Variants in SEPTIN9 observed in about 807,000 individuals in gnomAD.
SEPTIN9 encodes septin-9.
SEPTIN9 carries 13 observed loss-of-function variants against 56.6 expected under a neutral mutation model. The observed-to-expected ratio is 0.23, with a 90% CI of 0.15 to 0.37. The LOEUF (loss-of-function observed/expected upper bound fraction) is 0.37, where lower values mean the gene tolerates loss of function less well. Among genes scored for constraint, SEPTIN9 ranks in the 10% least tolerant of loss-of-function variants. The probability of loss-of-function intolerance (pLI) is 1.00; values close to 1 mark genes in which losing one functional copy is unlikely to be tolerated. For synonymous variants in SEPTIN9, 332 were observed against 334.1 expected (o/e 0.99, Z 0.07); for missense variants, 650 against 823.1 (o/e 0.79, Z 2.57).
At chr17:77,373,279 C>A (rs906722145) in intron 2 of SEPTIN9, 30 of 1,082,254 alleles carry the variant, frequency 2.8e-5, no homozygotes, top group Non-Finnish European at 3.4e-5. Flanking sequence ...GCCCGGGAGG[C>A]GGGGGCGGGG....
Position 77,499,251 on chromosome 17 carries a change from G to A in SEPTIN9, c.*593G>A, listed in dbSNP as rs755176677. 1 of 595,906 alleles carries A rather than the reference G, an allele frequency of 1.7e-6. No individual in the cohort carries two copies. The highest frequency in any genetic ancestry group is 3.2e-6 in the Non-Finnish European group (1 of 308,188). 36.9% of individuals were successfully genotyped at this position (595,906 alleles called of 1,614,324 possible). On this transcript the variant is annotated 3_prime_UTR_variant, in exon 12 of 12. Transcript: ENST00000427177. ...GCCACCGACTGCCCAGCCACTCCAA[G>A]CCCCCTGGCAGCTGCCCCTCCTGGA...
At chr17:77,373,244 C>CGGTGCG (rs1368238384) in intron 2 of SEPTIN9, 6 of 1,119,736 alleles carry the variant, frequency 5.4e-6, no homozygotes, top group Middle Eastern at 7.6e-4. Context: ...ACAGGGAGGC[C>CGGTGCG]GGTGCGGGTG....
chr17:77,361,577 T>A (rs1405068540), intron 2 of SEPTIN9, among the ~76,000 whole-genome samples: 1 of 152,206 alleles, frequency 6.6e-6, no homozygotes, highest in Admixed American at 6.5e-5. Context: ...CTGTTTTTTT[T>A]TTCTGGATAA....
chr17:77,307,932 G>T (rs143928612), intron 2 of SEPTIN9, among the ~76,000 whole-genome samples: 275 of 152,276 alleles, frequency 1.8e-3, no homozygotes, highest in Middle Eastern at 3.4e-3. Flanking sequence ...CTCCCCACTG[G>T]GTGTCCCTGA....
intron 3 of SEPTIN9, among the ~76,000 whole-genome samples, chr17:77,418,034 G>A (rs918290156): frequency 7.2e-5 from 11 of 152,194 alleles, no homozygotes; most frequent in Non-Finnish European, 1.5e-5. Context: ...GTTCCCTGGC[G>A]GTGGGGGGAG....
In SEPTIN9 at chr17:77,482,257, G is replaced by T; in HGVS notation, c.835G>T (p.Val279Leu). 6.2e-7 allele frequency: 1 copy of T among 1,613,222 alleles called. No individual in the cohort carries two copies. The highest frequency in any genetic ancestry group is 8.5e-7 in the Non-Finnish European group (1 of 1,179,894). ...NEKAPVDFGY[V>L]GIDSILEQMR... is the part of the protein sequence containing the mutation. The stretch of plus-strand genomic sequence containing the variant: ...GAAGGCCCCGGTGGACTTCGGCTAC[G>T]TGGGGATTGACTCCATCCTGGAGCA... Residue 279 changes from valine (V) to leucine (L), a missense_variant, in exon 4 of 12, where the codon GTG (valine) becomes TTG (leucine). Transcript: ENST00000427177.
Position 77,327,128 on chromosome 17 carries a change from C to T in SEPTIN9, c.76+19931C>T, listed in dbSNP as rs2033168309. Among the ~76,000 whole-genome samples, 1 of 152,186 alleles carries T rather than the reference C, an allele frequency of 6.6e-6. No individual in the cohort carries two copies. Among genetic ancestry groups the T allele is most frequent in the African/African-American group, 2.4e-5 (1 of 41,428 alleles). The stretch of plus-strand genomic sequence containing the variant: ...CTGTAGCAAGTTAATCCTACCAGCA[C>T]TGGCTCTCATCTGCCGACCTTACCT... On this transcript the variant is annotated intron_variant, in intron 2 of 11. Coordinates refer to ENST00000427177, the MANE Select transcript of SEPTIN9 (RefSeq NM_001113491.2). This position sits in a 1 kb window ranked among gnomAD's most constrained non-coding sequence, Gnocchi z 5.0.
rs1481348693 is a variant in SEPTIN9 at position 77,330,997 on chromosome 17, A to G, written c.76+23800A>G. 6.6e-6 allele frequency among the ~76,000 whole-genome samples: 1 copy of G among 152,214 alleles called. No homozygotes were observed. The highest frequency in any genetic ancestry group is 1.5e-5 in the Non-Finnish European group (1 of 68,040). On this transcript the variant is annotated intron_variant, in intron 2 of 11. Coordinates refer to ENST00000427177, the MANE Select transcript of SEPTIN9 (RefSeq NM_001113491.2). This position sits in a 1 kb window ranked among gnomAD's most constrained non-coding sequence, Gnocchi z 4.4. ...TTCGATGCAGTGATGCAGGGCTGTC[A>G]GCCATGCCAGCAGGCCCTGCTGCTC...
intron 3 of SEPTIN9, among the ~76,000 whole-genome samples, chr17:77,479,926 G>A (rs1287071120): frequency 6.6e-6 from 1 of 152,184 alleles, no homozygotes; most frequent in Non-Finnish European, 1.5e-5. Flanking sequence ...TTCAGGAAGC[G>A]GCCCCAAAGC....
In SEPTIN9 at chr17:77,482,095, G is replaced by C. The variant is rs2039478118; in HGVS notation, c.722-49G>C. On this transcript the variant is annotated intron_variant, in intron 3 of 11. Transcript: ENST00000427177. ...TGTGACAACCACCTGGCAGGCGCCT[G>C]TGTGTGAGCCCCTGTTCCGCTCTAA... 3 of 1,496,668 alleles carry C rather than the reference G, an allele frequency of 2.0e-6. No homozygotes were observed. The East Asian group carries it at 7.4e-5, about 37-fold the overall frequency. The allele number at this position is 1,496,668 out of a possible 1,614,324, so 92.7% of individuals were successfully genotyped here.
At position 77,319,927 on chromosome 17, in the gene SEPTIN9, G is replaced by T. The variant is rs138208028; in HGVS notation, c.76+12730G>T. On this transcript the variant is annotated intron_variant, in intron 2 of 11. Transcript: ENST00000427177. The surrounding 1 kb of genome is among the most constrained non-coding windows in gnomAD (Gnocchi z 5.3). ...AGGAGGCTGCCGGAAGCCGCACTCG[G>T]GACCTCTGCAGCCACCGACCAGACC... 4.1e-3 allele frequency: 4,574 copies of T among 1,121,626 alleles called. 55 individuals carry two copies. In the East Asian group the frequency reaches 0.05, roughly 12 times the overall value. The allele number at this position is 1,121,626 out of a possible 1,614,324, so 69.5% of individuals were successfully genotyped here. A position where few individuals can be genotyped will look rare whatever the true frequency, so the allele number is the denominator to read the frequency against.
At chr17:77,458,048 C>G (rs1047337925) in intron 3 of SEPTIN9, among the ~76,000 whole-genome samples, 1 of 152,204 alleles carries the variant, frequency 6.6e-6, no homozygotes, top group Non-Finnish European at 1.5e-5. Flanking sequence ...CTGCCTGTCC[C>G]GATGAGAGGG....
Position 77,402,407 on chromosome 17 carries a change from C to T in SEPTIN9, c.425C>T (p.Thr142Met), listed in dbSNP as rs367650017. The T allele has an allele frequency of 3.4e-5, 54 of 1,611,124 alleles. No homozygotes were observed. The highest frequency in any genetic ancestry group is 4.0e-5 in the African/African-American group (3 of 74,902). ...LKRAEVLGHKTPEPAPRRTEI... is the reference protein window; with the variant it reads ...LKRAEVLGHKMPEPAPRRTEI... ...AGGGCCGAGGTGTTGGGCCACAAGA[C>T]GCCAGAACCGGCCCCTCGGAGGACG... The change falls in exon 3 of 12, where the codon ACG becomes ATG. Residue 142 changes from threonine (T) to methionine (M), a missense_variant. Physicochemically the swap from Thr to Met is moderately conservative, Grantham distance 81. Coordinates refer to ENST00000427177, the MANE Select transcript of SEPTIN9 (RefSeq NM_001113491.2). This position sits in a 1 kb window ranked among gnomAD's most constrained non-coding sequence, Gnocchi z 6.6.
At chr17:77,466,394 AGTT>A in intron 3 of SEPTIN9, 1 of 985,380 alleles carries the variant, frequency 1.0e-6, no homozygotes, top group Non-Finnish European at 1.2e-6. Flanking sequence ...TCCTTCCCGG[AGTT>A]CGGGCTGGAA....
intron 2 of SEPTIN9, among the ~76,000 whole-genome samples, chr17:77,379,222 C>T (rs1251311827): frequency 2.0e-5 from 3 of 152,028 alleles, no homozygotes; most frequent in African/African-American, 4.8e-5. Flanking sequence ...CCCCCATACC[C>T]CTACACTGGG....
intron 2 of SEPTIN9, among the ~76,000 whole-genome samples, chr17:77,355,331 C>T (rs754324277): frequency 4.6e-5 from 7 of 152,200 alleles, no homozygotes; most frequent in African/African-American, 1.2e-4. Context: ...GTGGGCTGTG[C>T]GCCAGATCCC....
At chr17:77,291,743 G>T (rs930348084) in intron 1 of SEPTIN9, among the ~76,000 whole-genome samples, 2 of 152,144 alleles carry the variant, frequency 1.3e-5, no homozygotes, top group South Asian at 2.1e-4. Flanking sequence ...CTCCCAAAGC[G>T]CTGGGAGTAC....
At position 77,369,878 on chromosome 17, in the gene SEPTIN9, C is replaced by T. The variant is rs1055829553; in HGVS notation, c.77-32181C>T. On this transcript the variant is annotated intron_variant, in intron 2 of 11. Transcript: ENST00000427177. The surrounding 1 kb of genome is among the most constrained non-coding windows in gnomAD (Gnocchi z 4.9). ...TTCCTCGTGGATTTCCTCCCCACTC[C>T]GTTCCCACGCTTTGTAAGCTTCATT... 6.6e-5 allele frequency among the ~76,000 whole-genome samples: 10 copies of T among 152,222 alleles called. No individual in the cohort carries two copies. Among genetic ancestry groups the T allele is most frequent in the South Asian group, 2.1e-4 (1 of 4,830 alleles).
intron 3 of SEPTIN9, among the ~76,000 whole-genome samples, chr17:77,465,040 C>T (rs1018584025): frequency 1.3e-5 from 2 of 152,226 alleles, no homozygotes; most frequent in South Asian, 4.1e-4. Context: ...CATCTGCCTT[C>T]GTCTCTATGA....
Sources: gnomAD v4.1 joint callset for allele counts (sites outside exome capture counted in the v4.1 genomes callset) on GRCh38, gnomAD v4.1.1 for gene constraint, Gnocchi (gnomAD v3.1) non-coding constraint, MANE v1.5 for transcripts, NCBI Gene and HGNC (gene_info 2026-07-23, HGNC 2026-07-21) for gene names.